The following TENM3 variants were observed in gnomAD, a reference collection of about 807,000 sequenced individuals.
TENM3 encodes teneurin transmembrane protein 3.
In TENM3, 63 loss-of-function variants were observed where a neutral mutation model predicts 255.1. The observed-to-expected ratio is 0.25, with a 90% CI of 0.20 to 0.30. TENM3 has a LOEUF of 0.30. Ranked by LOEUF, TENM3 falls within the 10% of genes least tolerant of loss-of-function variation. The probability of loss-of-function intolerance (pLI) is 1.00; values close to 1 mark genes in which losing one functional copy is unlikely to be tolerated. For missense variants in TENM3, 2,929 were observed against 3,461.1 expected, an observed-to-expected ratio of 0.85 and a Z score of 3.86; for synonymous variants, 1,306 against 1,322.3, an observed-to-expected ratio of 0.99 and a Z score of 0.27.
chr4:182,483,161 G>A (rs1287215036), intron 3 of TENM3, among the ~76,000 whole-genome samples: 1 of 151,982 alleles, frequency 6.6e-6, no homozygotes, highest in Admixed American at 6.6e-5. Flanking sequence ...ATACAAAATT[G>A]TTTTCTTGCT....
At chr4:182,661,877 C>T (rs1754257902) in intron 6 of TENM3, among the ~76,000 whole-genome samples, 1 of 152,218 alleles carries the variant, frequency 6.6e-6, no homozygotes, top group African/African-American at 2.4e-5. Context: ...CTTTCCGTTT[C>T]ACTCATTATA....
chr4:182,396,917 G>T (rs145323470), intron 3 of TENM3, among the ~76,000 whole-genome samples: 3 of 151,754 alleles, frequency 2.0e-5, no homozygotes, highest in African/African-American at 4.8e-5. Flanking sequence ...AGCTGAAATC[G>T]CACCACTGCC....
intron 3 of TENM3, among the ~76,000 whole-genome samples, chr4:182,402,462 G>A (rs1055126259): frequency 2.0e-5 from 3 of 152,124 alleles, no homozygotes; most frequent in African/African-American, 7.2e-5. Flanking sequence ...ACTGACGTTT[G>A]TACAGTAGTC....
At chr4:182,110,100 C>T in the TENM3 span, among the ~76,000 whole-genome samples, 4,454 of 124,678 alleles carry the variant, frequency 0.036, 93 homozygotes, top group South Asian at 0.078. Flanking sequence ...GGAGACAGAG[C>T]GAGACTCTGT....
At chr4:181,582,669 CA>C in the TENM3 span, among the ~76,000 whole-genome samples, 78,587 of 124,684 alleles carry the variant, frequency 0.63, 24,344 homozygotes, top group East Asian at 0.75. Context: ...CAAAACAAAT[CA>C]AAAAAAAAAA....
chr4:182,084,578 C>T, the TENM3 span, among the ~76,000 whole-genome samples: 1 of 152,086 alleles, frequency 6.6e-6, no homozygotes, highest in Non-Finnish European at 1.5e-5. Flanking sequence ...ATATATTTCT[C>T]TTTATTGAAC....
chr4:182,046,932 C>A, the TENM3 span, among the ~76,000 whole-genome samples: 1 of 152,104 alleles, frequency 6.6e-6, no homozygotes, highest in African/African-American at 2.4e-5. Flanking sequence ...TTTTTTAATG[C>A]AGCAGCCACA....
intron 22 of TENM3, among the ~76,000 whole-genome samples, chr4:182,759,587 A>G (rs1306201170): frequency 6.6e-6 from 1 of 152,240 alleles, no homozygotes; most frequent in African/African-American, 2.4e-5. Flanking sequence ...TATTCCAATA[A>G]TTAAACAAAA....
chr4:182,324,285 C>A, intron 2 of TENM3, 33 bp downstream of exon 2: 1 of 1,473,846 alleles, frequency 6.8e-7, no homozygotes, highest in Non-Finnish European at 9.5e-7. Flanking sequence ...TAAGGCAATG[C>A]TCACGTTACT....
chr4:181,940,605 G>T, the TENM3 span, among the ~76,000 whole-genome samples: 1 of 152,202 alleles, frequency 6.6e-6, no homozygotes, highest in East Asian at 1.9e-4. Context: ...GCAGGATATG[G>T]TGATAAGACT....
intron 3 of TENM3, among the ~76,000 whole-genome samples, chr4:182,406,005 G>A (rs1769544684): frequency 6.6e-6 from 1 of 151,930 alleles, no homozygotes; most frequent in African/African-American, 2.4e-5. Context: ...GCACTATTGT[G>A]CAGGACGAAC....
chr4:182,605,832 C>T lies in TENM3; in HGVS notation c.749+4671C>T, dbSNP rs574419005. 1.3e-4 allele frequency among the ~76,000 whole-genome samples: 20 copies of T among 152,272 alleles called. 1 individual carries two copies. The South Asian group carries it at 3.3e-3, about 25-fold the overall frequency. The stretch of plus-strand genomic sequence containing the variant: ...ATAGTTCATTACTAAAGCCAGGACA[C>T]TTGCAGAGTGAGAAGGGGCCATATC... On this transcript the variant is annotated intron_variant, in intron 4 of 27. Coordinates refer to ENST00000511685, the MANE Select transcript of TENM3 (RefSeq NM_001080477.4).
At chr4:181,701,151 A>G in the TENM3 span, among the ~76,000 whole-genome samples, 2 of 152,120 alleles carry the variant, frequency 1.3e-5, no homozygotes, top group African/African-American at 4.8e-5. Flanking sequence ...GACCTTGTTA[A>G]AGGTAAGGCA....
the TENM3 span, among the ~76,000 whole-genome samples, chr4:181,697,332 G>C: frequency 3.2e-4 from 48 of 152,186 alleles, no homozygotes; most frequent in Non-Finnish European, 1.2e-4. Context: ...GCCATCAGTA[G>C]ATGCAGGAAG....
the TENM3 span, among the ~76,000 whole-genome samples, chr4:181,924,220 A>T: frequency 1.3e-5 from 2 of 152,188 alleles, no homozygotes; most frequent in Non-Finnish European, 2.9e-5. Context: ...CTGTGCATAT[A>T]GCATCCATCT....
At chr4:182,758,742 C>T (rs1395853272) in intron 22 of TENM3, among the ~76,000 whole-genome samples, 1 of 152,076 alleles carries the variant, frequency 6.6e-6, no homozygotes, top group Non-Finnish European at 1.5e-5. Flanking sequence ...ACAGGTTTGA[C>T]AATGGCCAGA....
chr4:182,024,157 C>A, the TENM3 span, among the ~76,000 whole-genome samples: 1 of 151,974 alleles, frequency 6.6e-6, no homozygotes, highest in Non-Finnish European at 1.5e-5. Context: ...AAAGAAAATG[C>A]AAAATCAAGA....
At chr4:182,220,378 C>CAAAAA (rs60851113) in intron 1 of TENM3, among the ~76,000 whole-genome samples, 14,837 of 77,082 alleles carry the variant, frequency 0.19, 2,694 homozygotes, top group South Asian at 0.35. Context: ...CTCTGTCTCA[C>CAAAAA]AAAAAAAAAA....
chr4:181,906,970 G>A, the TENM3 span, among the ~76,000 whole-genome samples: 12,761 of 152,004 alleles, frequency 0.084, 632 homozygotes, highest in East Asian at 0.19. Context: ...CCTGCGCCTC[G>A]TGAGTTCAAG....
Sources: allele counts gnomAD v4.1 joint callset (sites outside exome capture counted in the v4.1 genomes callset), GRCh38; gene constraint gnomAD v4.1.1; transcripts MANE v1.5; gene names NCBI Gene and HGNC (gene_info 2026-07-23, HGNC 2026-07-21).